The following ZNF521 variants were observed in gnomAD, a reference collection of about 807,000 sequenced individuals.
ZNF521 encodes the protein LYST-interacting protein 3.
ZNF521 carries 14 observed loss-of-function variants against 105.5 expected under a neutral mutation model. The observed-to-expected ratio is 0.13, with a 90% CI of 0.09 to 0.21. The LOEUF is 0.21. Among genes scored for constraint, ZNF521 ranks in the 10% least tolerant of loss-of-function variants. The probability of loss-of-function intolerance (pLI) is 1.00; values close to 1 mark genes in which losing one functional copy is unlikely to be tolerated. For synonymous variants in ZNF521, 635 were observed against 606.0 expected (o/e 1.05, Z -0.70); for missense variants, 1,233 against 1,629.7 (o/e 0.76, Z 4.19).
At chr18:25,144,151 C>T (rs368354732) in intron 5 of ZNF521, among the ~76,000 whole-genome samples, 39 of 152,262 alleles carry the variant, frequency 2.6e-4, no homozygotes, top group African/African-American at 9.4e-4. Flanking sequence ...GACACACACG[C>T]TCAGGACCAG....
At chr18:25,066,830 C>A (rs1276449678) in intron 7 of ZNF521, among the ~76,000 whole-genome samples, 1 of 152,162 alleles carries the variant, frequency 6.6e-6, no homozygotes, top group African/African-American at 2.4e-5. Context: ...GTTTTCAGCT[C>A]TTTAGGTCCA....
chr18:25,158,119 T>C (rs529580235), intron 5 of ZNF521, among the ~76,000 whole-genome samples: 2 of 152,290 alleles, frequency 1.3e-5, no homozygotes, highest in Admixed American at 6.5e-5. Flanking sequence ...ACCTATCTCA[T>C]AGAATAGTTG....
At chr18:25,158,790 T>C (rs574101043) in intron 5 of ZNF521, among the ~76,000 whole-genome samples, 1 of 152,078 alleles carries the variant, frequency 6.6e-6, no homozygotes, top group Admixed American at 6.6e-5. Flanking sequence ...ACCCCATCTC[T>C]ACTAAAAATA....
At chr18:25,091,013 A>G (rs1367927589) in intron 6 of ZNF521, among the ~76,000 whole-genome samples, 1 of 152,220 alleles carries the variant, frequency 6.6e-6, no homozygotes, top group Non-Finnish European at 1.5e-5. Flanking sequence ...TCAGTTAGTA[A>G]TTGTGCTAGC....
At chr18:25,243,106 T>C (rs1162083227) in intron 3 of ZNF521, among the ~76,000 whole-genome samples, 2 of 152,174 alleles carry the variant, frequency 1.3e-5, no homozygotes, top group Non-Finnish European at 2.9e-5. Flanking sequence ...CCTGTAGATT[T>C]TGGAATGCTT....
chr18:25,308,442 C>G (rs1912105673), intron 3 of ZNF521, among the ~76,000 whole-genome samples: 1 of 152,114 alleles, frequency 6.6e-6, no homozygotes, highest in South Asian at 2.1e-4. Context: ...TTCTTATTCT[C>G]TCATTAATTC....
chr18:25,226,389 C>G lies in ZNF521; in HGVS notation c.1529G>C (p.Ser510Thr). 6.2e-7 allele frequency: 1 copy of G among 1,614,140 alleles called. No individual in the cohort carries two copies. Among genetic ancestry groups the G allele is most frequent in the Non-Finnish European group, 8.5e-7 (1 of 1,180,018 alleles). The part of the protein sequence containing the change: ...HGFANPAAKD[S>T]NAFFCPHCYM... ...GCAATGGGGACAAAAGAATGCATTA[C>G]TATCTTTAGCTGCAGGGTTTGCAAA... Residue 510 changes from serine to threonine, a missense_variant, in exon 4 of 8, where the codon AGT becomes ACT. Ser to Thr is a moderately conservative substitution (Grantham distance 58). This residue lies in a region of ZNF521 where 380 missense variants were observed against 478.0 expected (regional missense o/e 0.80). Coordinates refer to ENST00000361524, the MANE Select transcript of ZNF521 (RefSeq NM_015461.3). This position sits in a 1 kb window ranked among gnomAD's most constrained non-coding sequence, Gnocchi z 4.1.
intron 5 of ZNF521, among the ~76,000 whole-genome samples, chr18:25,125,850 T>C (rs1030250080): frequency 1.3e-5 from 2 of 152,078 alleles, no homozygotes; most frequent in Non-Finnish European, 2.9e-5. Flanking sequence ...ATGTGGATAT[T>C]AGTCCACATT....
chr18:25,268,929 A>C (rs1022327685), intron 3 of ZNF521, among the ~76,000 whole-genome samples: 2 of 152,184 alleles, frequency 1.3e-5, no homozygotes, highest in Non-Finnish European at 2.9e-5. Context: ...ACACATAACA[A>C]TATTAACCTT....
At position 25,088,522 on chromosome 18, in the gene ZNF521, A is replaced by G. The variant is rs185752384; in HGVS notation, c.3906+943T>C. On this transcript the variant is annotated intron_variant, in intron 7 of 7. Transcript: ENST00000361524. Reference sequence around the variant, plus strand: ...GTGTGAGCCACCGTGCCCGGCCAACAGAATAATTTTCAGTTCGACTCTATT... The same window carrying G: ...GTGTGAGCCACCGTGCCCGGCCAACGGAATAATTTTCAGTTCGACTCTATT... Among the ~76,000 whole-genome samples the G allele has an allele frequency of 7.0e-4, 106 of 152,192 alleles. 1 individual carries two copies. The highest frequency in any genetic ancestry group is 1.2e-3 in the African/African-American group (51 of 41,546).
chr18:25,074,077 T>TACAC (rs1567949604), intron 7 of ZNF521, among the ~76,000 whole-genome samples: 44 of 141,120 alleles, frequency 3.1e-4, no homozygotes, highest in African/African-American at 1.2e-3. Flanking sequence ...CGTGTGTGCG[T>TACAC]GCGTGTGTGC....
At chr18:25,130,571 G>GA (rs889982928) in intron 5 of ZNF521, among the ~76,000 whole-genome samples, 6 of 152,138 alleles carry the variant, frequency 3.9e-5, no homozygotes, top group Non-Finnish European at 5.9e-5. Context: ...AGTCATGGGG[G>GA]AAAAACAATA....
intron 3 of ZNF521, among the ~76,000 whole-genome samples, chr18:25,284,272 T>C (rs1910557652): frequency 6.6e-6 from 1 of 152,286 alleles, no homozygotes; most frequent in African/African-American, 2.4e-5. Flanking sequence ...CTCCCACCCT[T>C]GCCCTCAAGC....
At chr18:25,080,150 T>C (rs1396684797) in intron 7 of ZNF521, among the ~76,000 whole-genome samples, 1 of 152,224 alleles carries the variant, frequency 6.6e-6, no homozygotes, top group Non-Finnish European at 1.5e-5. Context: ...TTTGCAAACT[T>C]GGCCCTCCTA....
chr18:25,087,216 A>G (rs953523747), intron 7 of ZNF521, among the ~76,000 whole-genome samples: 4 of 152,224 alleles, frequency 2.6e-5, no homozygotes, highest in Non-Finnish European at 5.9e-5. Flanking sequence ...TCCTGAGATC[A>G]AGGAGTCTGT....
chr18:25,246,682 T>C (rs1367831986), intron 3 of ZNF521, among the ~76,000 whole-genome samples: 3 of 152,238 alleles, frequency 2.0e-5, no homozygotes, highest in African/African-American at 7.2e-5. Flanking sequence ...ATCTGTGGGT[T>C]TGCTAACATT....
chr18:25,325,437 T>C (rs1913163270), intron 2 of ZNF521, among the ~76,000 whole-genome samples: 2 of 152,086 alleles, frequency 1.3e-5, no homozygotes, highest in African/African-American at 2.4e-5. Flanking sequence ...ACCTAAGGGG[T>C]TATAAATACA....
chr18:25,068,130 G>T (rs1349621459), intron 7 of ZNF521, among the ~76,000 whole-genome samples: 1 of 152,206 alleles, frequency 6.6e-6, no homozygotes, highest in Non-Finnish European at 1.5e-5. Flanking sequence ...TAATTTAAAT[G>T]AGATGTTTTC....
chr18:25,271,703 T>C (rs566055010), intron 3 of ZNF521, among the ~76,000 whole-genome samples: 47 of 152,100 alleles, frequency 3.1e-4, no homozygotes, highest in African/African-American at 8.4e-4. Flanking sequence ...GTTGGGAAAA[T>C]TGGCTAGCCA....
Sources: gnomAD v4.1 joint callset for allele counts (sites outside exome capture counted in the v4.1 genomes callset) on GRCh38, gnomAD v4.1.1 for gene constraint, gnomAD v4.1.1 regional missense constraint, Gnocchi (gnomAD v3.1) non-coding constraint, MANE v1.5 for transcripts, NCBI Gene and HGNC (gene_info 2026-07-23, HGNC 2026-07-21) for gene names.